DLC1: variants seen among roughly 807,000 people sequenced by gnomAD.
DLC1 encodes the protein DLC1 Rho GTPase activating protein, also known as rho GTPase-activating protein 7.
DLC1 carries 54 observed loss-of-function variants against 140.3 expected under a neutral mutation model. That is an observed-to-expected ratio of 0.38 (90% CI 0.31 to 0.48). DLC1 has a LOEUF of 0.48. Ranked by LOEUF, DLC1 falls within the 20% of genes least tolerant of loss-of-function variation. The probability of loss-of-function intolerance (pLI) is 0.96; values close to 1 mark genes in which losing one functional copy is unlikely to be tolerated. For missense variants in DLC1, 2,536 were observed against 1,907.0 expected, an observed-to-expected ratio of 1.33 and a Z score of -6.14; for synonymous variants, 986 against 728.1, an observed-to-expected ratio of 1.35 and a Z score of -5.70.
chr8:13,446,023 C>T (rs977411855), intron 2 of DLC1, among the ~76,000 whole-genome samples: 2 of 152,090 alleles, frequency 1.3e-5, no homozygotes, highest in Admixed American at 6.5e-5. Context: ...GATCAGCTCA[C>T]GGGCAAAATC....
chr8:13,110,608 A>T, intron 7 of DLC1, 134 bp downstream of exon 7: 1 of 798,470 alleles, frequency 1.3e-6, no homozygotes, highest in East Asian at 2.4e-5. Context: ...TAAAAGGTCT[A>T]TGATCACTCT....
intron 4 of DLC1, among the ~76,000 whole-genome samples, chr8:13,343,544 T>C (rs1246826805): frequency 6.6e-6 from 1 of 152,238 alleles, no homozygotes; most frequent in Non-Finnish European, 1.5e-5. Flanking sequence ...TTTGGTTATA[T>C]AATCTTATAT....
intron 9 of DLC1, 26 bp downstream of exon 9, chr8:13,099,321 C>A (rs1818781028): frequency 1.3e-6 from 2 of 1,598,230 alleles, no homozygotes; most frequent in Admixed American, 1.7e-5. Flanking sequence ...GTGCCCCACA[C>A]CCGGAGGCAG....
intron 3 of DLC1, among the ~76,000 whole-genome samples, chr8:13,398,500 C>T (rs1234393673): frequency 6.6e-6 from 1 of 150,516 alleles, no homozygotes; most frequent in Non-Finnish European, 1.5e-5. Flanking sequence ...TATGATGGCT[C>T]ATGCTTATAA....
At chr8:13,377,151 G>C (rs1285836649) in intron 4 of DLC1, among the ~76,000 whole-genome samples, 1 of 152,130 alleles carries the variant, frequency 6.6e-6, no homozygotes, top group Non-Finnish European at 1.5e-5. Flanking sequence ...ACTCAGTTGT[G>C]AATTCTCAAG....
chr8:13,558,353 A>T (rs1053067312), intron 1 of DLC1: 10 of 152,150 alleles, frequency 6.6e-5, no homozygotes, highest in African/African-American at 2.4e-4. Flanking sequence ...ATGTGTAGTT[A>T]TGGTATTTTG....
At chr8:13,132,987 C>T in intron 5 of DLC1, 5 of 1,609,568 alleles carry the variant, frequency 3.1e-6, no homozygotes, top group Non-Finnish European at 4.2e-6. Flanking sequence ...ACATCAAGCA[C>T]GGCAGGCGGC....
intron 1 of DLC1, among the ~76,000 whole-genome samples, chr8:13,549,299 A>G (rs1463858377): frequency 6.6e-6 from 1 of 152,126 alleles, no homozygotes; most frequent in African/African-American, 2.4e-5. Flanking sequence ...AATTGTATGA[A>G]AAGAAACTTA....
chr8:13,569,828 C>T (rs1003389728), intron 1 of DLC1, among the ~76,000 whole-genome samples: 1 of 152,166 alleles, frequency 6.6e-6, no homozygotes, highest in Non-Finnish European at 1.5e-5. Flanking sequence ...TTCAGGTGAT[C>T]CTCTCACCTC....
At chr8:13,371,853 C>T (rs760666035) in intron 4 of DLC1, among the ~76,000 whole-genome samples, 19 of 152,114 alleles carry the variant, frequency 1.2e-4, no homozygotes, top group Admixed American at 3.3e-4. Context: ...ACAGTAGGCA[C>T]TCACTCAATA....
intron 2 of DLC1, among the ~76,000 whole-genome samples, chr8:13,438,700 C>T (rs1439598417): frequency 2.0e-5 from 3 of 152,176 alleles, no homozygotes; most frequent in Non-Finnish European, 4.4e-5. Flanking sequence ...CTGATTTTCA[C>T]AGGCTCACTT....
At chr8:13,108,009 T>C (rs1383046378) in intron 7 of DLC1, among the ~76,000 whole-genome samples, 4 of 151,988 alleles carry the variant, frequency 2.6e-5, no homozygotes, top group African/African-American at 9.7e-5. Context: ...CACGCCACTG[T>C]ACTCCAGCCT....
Position 13,384,374 on chromosome 8 carries a change from G to A in DLC1, c.1314+9179C>T, listed in dbSNP as rs539144345. On this transcript the variant is annotated intron_variant, in intron 4 of 17. Transcript: ENST00000276297. ...GCAAGACAAAACTATGTGTGTGAGC[G>A]TGCGCGTGTGTGTGTATCATTGGAC... 1.4e-3 allele frequency among the ~76,000 whole-genome samples: 170 copies of A among 123,922 alleles called. 1 individual carries two copies. The highest frequency in any genetic ancestry group is 2.1e-3 in the Non-Finnish European group (111 of 52,418). 81.3% of individuals were successfully genotyped at this position (123,922 alleles called of 152,430 possible). A position where few individuals can be genotyped will look rare whatever the true frequency, so the allele number is the denominator to read the frequency against.
chr8:13,569,562 C>A (rs183843520), intron 1 of DLC1, among the ~76,000 whole-genome samples: 1 of 152,086 alleles, frequency 6.6e-6, no homozygotes, highest in Non-Finnish European at 1.5e-5. Flanking sequence ...CATTAAAGGG[C>A]ATGCTCCACC....
chr8:13,412,386 A>G lies in DLC1; in HGVS notation c.1024-10767T>C, dbSNP rs990158920. 9.2e-5 allele frequency among the ~76,000 whole-genome samples: 14 copies of G among 152,192 alleles called. No homozygotes were observed. The East Asian group carries it at 9.6e-4, about 10-fold the overall frequency. On this transcript the variant is annotated intron_variant, in intron 2 of 17. Coordinates refer to ENST00000276297, the MANE Select transcript of DLC1 (RefSeq NM_182643.3). ...GTAGAACACATTCTTCAACCTGGTA[A>G]TTTAATTTTAGATACCTATCTTAGA...
intron 2 of DLC1, among the ~76,000 whole-genome samples, chr8:13,470,400 A>G (rs1343052794): frequency 6.9e-6 from 1 of 144,460 alleles, no homozygotes; most frequent in Non-Finnish European, 1.6e-5. Context: ...AACAAACAAC[A>G]GAAAGCCCCA....
At chr8:13,415,517 A>G (rs966342538) in intron 2 of DLC1, among the ~76,000 whole-genome samples, 2 of 151,514 alleles carry the variant, frequency 1.3e-5, no homozygotes, top group East Asian at 2.0e-4. Context: ...CTCCTACCTC[A>G]GCCTACCTAG....
chr8:13,502,629 T>C (rs1209830645), intron 1 of DLC1, among the ~76,000 whole-genome samples: 2 of 152,258 alleles, frequency 1.3e-5, no homozygotes, highest in Non-Finnish European at 2.9e-5. Context: ...ATCATCTGAA[T>C]TGATTATAAT....
At chr8:13,591,883 G>C (rs920094659) in intron 1 of DLC1, among the ~76,000 whole-genome samples, 2 of 152,084 alleles carry the variant, frequency 1.3e-5, no homozygotes, top group Non-Finnish European at 2.9e-5. Flanking sequence ...TAGATGTAGG[G>C]AATGGAGAGA....
Sources: gnomAD v4.1 joint callset for allele counts (sites outside exome capture counted in the v4.1 genomes callset) on GRCh38, gnomAD v4.1.1 for gene constraint, MANE v1.5 for transcripts, NCBI Gene and HGNC (gene_info 2026-07-23, HGNC 2026-07-21) for gene names.